The following MEP1A variants were observed in gnomAD, a reference collection of about 807,000 sequenced individuals.
The protein encoded by MEP1A is N-benzoyl-L-tyrosyl-P-amino-benzoic acid hydrolase subunit alpha.
MEP1A carries 68 observed loss-of-function variants against 84.5 expected under a neutral mutation model. The observed-to-expected ratio is 0.80, with a 90% CI of 0.66 to 0.98. The LOEUF is 0.98. MEP1A is among the 50% of genes least tolerant of loss of function. The pLI is 0.00. For synonymous variants in MEP1A, 337 were observed against 336.8 expected (o/e 1.00, Z -0.01); for missense variants, 887 against 919.9 (o/e 0.96, Z 0.46).
rs541037020 is a variant in MEP1A at position 46,839,756 on chromosome 6, A to C, written c.*620A>C. 1 of 152,202 alleles carries C rather than the reference A, an allele frequency of 6.6e-6. No individual in the cohort carries two copies. Among genetic ancestry groups the C allele is most frequent in the Non-Finnish European group, 1.5e-5 (1 of 68,040 alleles). 9.4% of individuals were successfully genotyped at this position (152,202 alleles called of 1,614,324 possible). A position where few individuals can be genotyped will look rare whatever the true frequency, so the allele number is the denominator to read the frequency against. On this transcript the variant is annotated 3_prime_UTR_variant, in exon 14 of 14. Transcript: ENST00000230588. ...GATTCTAAGAGAAGGCCTTTAATAA[A>C]TTTAATAAATATTGAGTTAGCACCT...
chr6:46,839,907 C>T (rs530472953), downstream of MEP1A: 2 of 151,988 alleles, frequency 1.3e-5, no homozygotes, highest in African/African-American at 4.8e-5. Flanking sequence ...TTATGTACAA[C>T]ATTATCATAT....
chr6:46,840,915 C>T (rs967222541), downstream of MEP1A, among the ~76,000 whole-genome samples: 2 of 152,200 alleles, frequency 1.3e-5, 1 homozygote, highest in African/African-American at 4.8e-5. Context: ...CTCCACTAAC[C>T]TCAGAGTTAG....
At chr6:46,807,325 A>C (rs1244793021) in intron 5 of MEP1A, among the ~76,000 whole-genome samples, 2 of 151,682 alleles carry the variant, frequency 1.3e-5, no homozygotes, top group Non-Finnish European at 2.9e-5. Flanking sequence ...TTACAATGAG[A>C]CAAAAAGTAT....
intron 5 of MEP1A, among the ~76,000 whole-genome samples, chr6:46,807,832 AAAGAAAGG>A (rs760598064): frequency 0.049 from 6,326 of 128,906 alleles, 291 homozygotes; most frequent in Non-Finnish European, 0.068. Flanking sequence ...AGAAAGAAAG[AAAGAAAGG>A]AAGAAAGGAA....
intron 7 of MEP1A, among the ~76,000 whole-genome samples, chr6:46,820,755 T>C (rs1474253196): frequency 3.3e-5 from 5 of 152,116 alleles, no homozygotes; most frequent in African/African-American, 1.2e-4. Context: ...AAACATTTAT[T>C]GAGCAGCTTC....
chr6:46,840,931 A>G (rs1287475621), downstream of MEP1A, among the ~76,000 whole-genome samples: 2 of 152,174 alleles, frequency 1.3e-5, no homozygotes, highest in African/African-American at 4.8e-5. Context: ...GTTAGGCCTA[A>G]AGAAAGCCAT....
chr6:46,825,966 G>A (rs1767933572), intron 8 of MEP1A, among the ~76,000 whole-genome samples: 1 of 152,130 alleles, frequency 6.6e-6, no homozygotes, highest in Non-Finnish European at 1.5e-5. Flanking sequence ...CTCTGGGGCA[G>A]GGTGTTTTCT....
In MEP1A at chr6:46,815,479, G is replaced by A. The variant is rs537628573; in HGVS notation, c.381-4050G>A. ...AACAGCACTGAGTCCATTTCCAGTC[G>A]TCTGGTGACCAAGGTTGAGAACTTG... On this transcript the variant is annotated intron_variant, in intron 6 of 13. Coordinates refer to ENST00000230588, the MANE Select transcript of MEP1A (RefSeq NM_005588.3). Among the ~76,000 whole-genome samples, 18 of 152,218 alleles carry A rather than the reference G, an allele frequency of 1.2e-4. No individual in the cohort carries two copies. In the South Asian group the frequency reaches 2.9e-3, roughly 25 times the overall value.
chr6:46,815,515 C>T (rs1854430), intron 6 of MEP1A, among the ~76,000 whole-genome samples: 40,694 of 152,014 alleles, frequency 0.27, 5,628 homozygotes, highest in South Asian at 0.33. Flanking sequence ...TCCCGGACCA[C>T]GAGCCTCCTT....
At chr6:46,817,150 G>GT (rs1357668424) in intron 6 of MEP1A, among the ~76,000 whole-genome samples, 1 of 152,194 alleles carries the variant, frequency 6.6e-6, no homozygotes, top group Non-Finnish European at 1.5e-5. Flanking sequence ...GTGAAAAAGT[G>GT]TATTTATCAG....
chr6:46,826,638 C>A, intron 9 of MEP1A, 135 bp downstream of exon 9: 1 of 699,766 alleles, frequency 1.4e-6, no homozygotes, highest in Non-Finnish European at 2.1e-6. Context: ...AAAAACATTT[C>A]TTATATCTTC....
downstream of MEP1A, among the ~76,000 whole-genome samples, chr6:46,844,693 C>A (rs975535588): frequency 1.3e-5 from 2 of 152,158 alleles, no homozygotes; most frequent in African/African-American, 2.4e-5. Flanking sequence ...AAATGGTCAC[C>A]AACATCCATT....
At chr6:46,824,394 TTA>T (rs1044924939) in intron 7 of MEP1A, among the ~76,000 whole-genome samples, 2 of 147,588 alleles carry the variant, frequency 1.4e-5, no homozygotes, top group Non-Finnish European at 3.0e-5. Context: ...TATTACAATA[TTA>T]TATATGTTAT....
At chr6:46,837,001 T>C (rs893455137) in intron 13 of MEP1A, among the ~76,000 whole-genome samples, 1 of 152,174 alleles carries the variant, frequency 6.6e-6, no homozygotes, top group Non-Finnish European at 1.5e-5. Flanking sequence ...AGAGTTACCA[T>C]TTCTCCCTCT....
intron 5 of MEP1A, among the ~76,000 whole-genome samples, chr6:46,803,860 A>T (rs959345157): frequency 6.6e-6 from 1 of 151,592 alleles, no homozygotes; most frequent in Non-Finnish European, 1.5e-5. Context: ...TCATCCATGG[A>T]TGGGATAAAA....
intron 7 of MEP1A, 63 bp from the exon 8 acceptor site, chr6:46,825,209 T>C (rs1767909644): frequency 1.9e-6 from 2 of 1,049,212 alleles, no homozygotes; most frequent in African/African-American, 3.2e-5. Context: ...GGGTATCTAG[T>C]CAAAGAGTAG....
At chr6:46,829,271 G>A in intron 9 of MEP1A, 85 bp from the exon 10 acceptor site, 1 of 1,068,922 alleles carries the variant, frequency 9.4e-7, no homozygotes, top group Non-Finnish European at 1.4e-6. Flanking sequence ...CAATGGCTGT[G>A]GTTCACTATT....
At chr6:46,832,965 G>T in intron 10 of MEP1A, 109 bp from the exon 11 acceptor site, 1 of 643,354 alleles carries the variant, frequency 1.6e-6, no homozygotes. Context: ...GCTGTTGTGA[G>T]GATTTAATGA....
At position 46,804,334 on chromosome 6, in the gene MEP1A, A is replaced by G. The variant is rs370800299; in HGVS notation, c.263-5086A>G. On this transcript the variant is annotated intron_variant, in intron 5 of 13. Coordinates refer to ENST00000230588, the MANE Select transcript of MEP1A (RefSeq NM_005588.3). Reference sequence around the variant, plus strand: ...AAAAATTATTATTTTAACATTTTTAAGTTGTAATACATTGTCTTTTTGTTT... The same window carrying G: ...AAAAATTATTATTTTAACATTTTTAGGTTGTAATACATTGTCTTTTTGTTT... Among the ~76,000 whole-genome samples the G allele has an allele frequency of 1.8e-4, 28 of 151,930 alleles. No homozygotes were observed. In the South Asian group the frequency reaches 3.9e-3, roughly 21 times the overall value.
Sources: gnomAD v4.1 joint callset for allele counts (sites outside exome capture counted in the v4.1 genomes callset) on GRCh38, gnomAD v4.1.1 for gene constraint, MANE v1.5 for transcripts, NCBI Gene and HGNC (gene_info 2026-07-23, HGNC 2026-07-21) for gene names.